FSIP2: variants seen among roughly 807,000 people sequenced by gnomAD.
FSIP2 encodes fibrous sheath-interacting protein 2.
A neutral mutation model predicts 510.5 loss-of-function variants in FSIP2; 367 were observed. That is an observed-to-expected ratio of 0.72 (90% CI 0.66 to 0.78). The LOEUF is 0.78. Among genes scored for constraint, FSIP2 ranks in the 30% least tolerant of loss-of-function variants. The probability of loss-of-function intolerance (pLI) is 0.00; values close to 1 mark genes in which losing one functional copy is unlikely to be tolerated. For synonymous variants in FSIP2, 2,601 were observed against 2,732.2 expected (o/e 0.95, Z 1.50); for missense variants, 7,594 against 7,901.7 (o/e 0.96, Z 1.48).
Position 185,807,331 on chromosome 2 carries a change from C to T in FSIP2, c.18025C>T (p.Pro6009Ser). 6.2e-7 allele frequency: 1 copy of T among 1,611,402 alleles called. No homozygotes were observed. Among genetic ancestry groups the T allele is most frequent in the Non-Finnish European group, 8.5e-7 (1 of 1,178,924 alleles). The part of the protein sequence containing the change: ...QTSSPYTIIL[P>S]HKFLENVISA... ...TTCATCACCATATACAATAATATTA[C>T]CTCATAAATTTTTGGAGAATGTGAT... The change falls in exon 17 of 23, where the codon CCT (proline) becomes TCT (serine). Residue 6009 changes from proline (P) to serine (S), a missense_variant. Physicochemically the swap from Pro to Ser is moderately conservative, Grantham distance 74 (BLOSUM62 -1). Coordinates refer to ENST00000424728, the MANE Select transcript of FSIP2 (RefSeq NM_173651.4).
upstream of FSIP2, among the ~76,000 whole-genome samples, chr2:185,737,462 A>AC (rs1242424463): frequency 6.6e-6 from 1 of 152,242 alleles, no homozygotes; most frequent in African/African-American, 2.4e-5. Flanking sequence ...GTGCAAACAA[A>AC]CAAACAAACA....
intron 13 of FSIP2, among the ~76,000 whole-genome samples, chr2:185,772,672 C>T (rs915263008): frequency 3.3e-5 from 5 of 152,162 alleles, no homozygotes; most frequent in African/African-American, 1.2e-4. Context: ...ACCTCCAACA[C>T]TGGGAGATTA....
At chr2:185,820,771 C>A (rs1050864466) in intron 19 of FSIP2, among the ~76,000 whole-genome samples, 5 of 151,230 alleles carry the variant, frequency 3.3e-5, no homozygotes, top group Admixed American at 3.3e-4. Flanking sequence ...ACTTACCAAA[C>A]TTCCCAAAAC....
At chr2:185,818,049 A>C (rs535519960) in intron 19 of FSIP2, among the ~76,000 whole-genome samples, 2 of 152,080 alleles carry the variant, frequency 1.3e-5, no homozygotes, top group East Asian at 3.9e-4. Context: ...GGATACCCCA[A>C]TTACCCTGAC....
rs1187705410 is a variant in FSIP2 at position 185,797,470 on chromosome 2, T to C, written c.10334T>C (p.Ile3445Thr). ...HEMGSNEVHL[I>T]ARHVTTSVVT... ...ATGGGTTCCAATGAAGTTCATCTGA[T>C]AGCAAGACATGTCACCACATCTGTG... is the stretch of plus-strand genomic sequence containing the variant. Residue 3445 changes from isoleucine (I) to threonine (T), a missense_variant, in exon 16 of 23, where the codon ATA becomes ACA. By Grantham distance (89) the Ile-to-Thr change is moderately conservative. Coordinates refer to ENST00000424728, the MANE Select transcript of FSIP2 (RefSeq NM_173651.4). 1.3e-6 allele frequency: 2 copies of C among 1,523,358 alleles called. No homozygotes were observed. Among genetic ancestry groups the C allele is most frequent in the Admixed American group, 4.2e-5 (2 of 47,594 alleles). The allele number at this position is 1,523,358 out of a possible 1,614,324, so 94.4% of individuals were successfully genotyped here. A position where few individuals can be genotyped will look rare whatever the true frequency, so the allele number is the denominator to read the frequency against.
chr2:185,774,142 CTT>C (rs1360071505), intron 13 of FSIP2, among the ~76,000 whole-genome samples: 1 of 152,024 alleles, frequency 6.6e-6, no homozygotes, highest in African/African-American at 2.4e-5. Flanking sequence ...GCACAGTAAT[CTT>C]TTTTTCTACA....
intron 19 of FSIP2, among the ~76,000 whole-genome samples, chr2:185,824,034 A>C (rs2105683157): frequency 6.6e-6 from 1 of 151,864 alleles, no homozygotes; most frequent in Admixed American, 6.6e-5. Context: ...GATAGTCAAA[A>C]TCATAGAGAC....
At position 185,788,789 on chromosome 2, in the gene FSIP2, C is replaced by G. The variant is rs947229213; in HGVS notation, c.1653C>G (p.Leu551=). 12 of 1,534,256 alleles carry G rather than the reference C, an allele frequency of 7.8e-6. No individual in the cohort carries two copies. The African/African-American group carries it at 1.6e-4, about 21-fold the overall frequency. Reference sequence around the variant, plus strand: ...ACCCAGTATCTGATGACTCCATCCTCTCTTCAGATAGTTCAAGTTTCTGTA... The same window carrying G: ...ACCCAGTATCTGATGACTCCATCCTGTCTTCAGATAGTTCAAGTTTCTGTA... ...NTYPVSDDSI[L]SSDSSSFCST... The change falls in exon 16 of 23, where the codon CTC becomes CTG. Residue 551 remains leucine, a synonymous_variant. Coordinates refer to ENST00000424728, the MANE Select transcript of FSIP2 (RefSeq NM_173651.4).
intron 19 of FSIP2, among the ~76,000 whole-genome samples, chr2:185,821,951 A>G (rs1693929048): frequency 1.3e-5 from 2 of 151,732 alleles, no homozygotes; most frequent in African/African-American, 4.8e-5. Flanking sequence ...AAATCGATGT[A>G]ATACATCACA....
At chr2:185,750,599 C>T (rs1173379668) in intron 7 of FSIP2, among the ~76,000 whole-genome samples, 2 of 42,934 alleles carry the variant, frequency 4.7e-5, no homozygotes, top group Non-Finnish European at 1.2e-4. Flanking sequence ...TAATGCATTT[C>T]TCTGTTTTTT....
intron 21 of FSIP2, among the ~76,000 whole-genome samples, chr2:185,830,561 T>C (rs963116853): frequency 1.3e-5 from 2 of 151,950 alleles, no homozygotes; most frequent in Non-Finnish European, 2.9e-5. Context: ...CCATATATTT[T>C]AAATTATTTC....
At chr2:185,747,825 AAG>A (rs1692064397) in intron 7 of FSIP2, among the ~76,000 whole-genome samples, 1 of 152,042 alleles carries the variant, frequency 6.6e-6, no homozygotes, top group Non-Finnish European at 1.5e-5. Flanking sequence ...AATAAAAAGA[AAG>A]AGAAAAATCC....
At position 185,768,983 on chromosome 2, in the gene FSIP2, A is replaced by G. The variant is rs567069206; in HGVS notation, c.1411+4418A>G. 1.2e-4 allele frequency among the ~76,000 whole-genome samples: 19 copies of G among 152,324 alleles called. 1 individual carries two copies. The highest frequency in any genetic ancestry group is 3.4e-4 in the African/African-American group (14 of 41,586). The stretch of plus-strand genomic sequence containing the variant: ...ATCTAATTCTTTTCCATGGCTGCAT[A>G]GTATTCTATGGTATATATGTGCCAT... On this transcript the variant is annotated intron_variant, in intron 13 of 22. Transcript: ENST00000424728.
chr2:185,808,950 T>C lies in FSIP2; in HGVS notation c.19644T>C (p.Thr6548=), dbSNP rs1308828774. The C allele has an allele frequency of 6.2e-7, 1 of 1,608,808 alleles. No individual in the cohort carries two copies. The highest frequency in any genetic ancestry group is 8.5e-7 in the Non-Finnish European group (1 of 1,178,568). Residue 6548 remains threonine (T), a synonymous_variant, in exon 17 of 23, where the codon ACT becomes ACC. Transcript: ENST00000424728. ...SEHLAVISIK[T]QPLEKLKQEC... is the part of the protein sequence containing the mutation. Reference sequence around the variant, plus strand: ...ACTTAGCAGTTATTTCTATAAAAACTCAACCTCTTGAGAAACTTAAGCAGG... The same window carrying C: ...ACTTAGCAGTTATTTCTATAAAAACCCAACCTCTTGAGAAACTTAAGCAGG...
rs7605884 is a variant in FSIP2 at position 185,802,394 on chromosome 2, T to A, written c.13088T>A (p.Phe4363Tyr). ...TATGATGACAAAGAACAGGCTTTCT[T>A]TTCTTTCAATACAGATATTGTGGAT... ...ILYDDKEQAF[F>Y]SFNTDIVDEL... Residue 4363 changes from phenylalanine to tyrosine, a missense_variant, in exon 17 of 23, where the codon TTT (phenylalanine) becomes TAT (tyrosine). Transcript: ENST00000424728. 1 of 1,531,488 alleles carries A rather than the reference T, an allele frequency of 6.5e-7. No individual in the cohort carries two copies. Among genetic ancestry groups the A allele is most frequent in the African/African-American group, 1.4e-5 (1 of 72,610 alleles). The allele number at this position is 1,531,488 out of a possible 1,614,324, so 94.9% of individuals were successfully genotyped here. A position where few individuals can be genotyped will look rare whatever the true frequency, so the allele number is the denominator to read the frequency against.
At chr2:185,767,469 T>G (rs1692513062) in intron 13 of FSIP2, among the ~76,000 whole-genome samples, 1 of 152,180 alleles carries the variant, frequency 6.6e-6, no homozygotes, top group African/African-American at 2.4e-5. Context: ...TAACTCCTGG[T>G]AACCACCATT....
chr2:185,831,104 A>G (rs1229015751), intron 21 of FSIP2, among the ~76,000 whole-genome samples: 1 of 151,934 alleles, frequency 6.6e-6, no homozygotes, highest in Non-Finnish European at 1.5e-5. Flanking sequence ...TAGACACTGC[A>G]CATTCCTCTT....
intron 20 of FSIP2, among the ~76,000 whole-genome samples, chr2:185,826,509 G>A (rs967178821): frequency 1.3e-5 from 2 of 151,684 alleles, no homozygotes; most frequent in African/African-American, 4.8e-5. Context: ...CACCTTCTCA[G>A]TGAGGTCTTC....
At chr2:185,815,896 C>A (rs921769042) in intron 19 of FSIP2, among the ~76,000 whole-genome samples, 1 of 151,980 alleles carries the variant, frequency 6.6e-6, no homozygotes, top group Non-Finnish European at 1.5e-5. Flanking sequence ...TAAGTTTTAG[C>A]ATTCAGAGAT....
Sources: gnomAD v4.1 joint callset for allele counts (sites outside exome capture counted in the v4.1 genomes callset) on GRCh38, gnomAD v4.1.1 for gene constraint, MANE v1.5 for transcripts, NCBI Gene and HGNC (gene_info 2026-07-23, HGNC 2026-07-21) for gene names.